The following SMG1 variants were observed in gnomAD, a reference collection of about 807,000 sequenced individuals.
SMG1 encodes the protein serine/threonine-protein kinase SMG1.
Under a neutral mutation model 419.9 loss-of-function variants are expected in SMG1, and 22 were observed. The ratio of observed to expected loss-of-function variants is 0.05; its 90% confidence interval spans 0.04 to 0.07. SMG1 has a LOEUF of 0.07. Ranked by LOEUF, SMG1 falls within the 10% of genes least tolerant of loss-of-function variation. The pLI, the probability that SMG1 is intolerant of heterozygous loss-of-function variation, is 1.00. For synonymous variants in SMG1, 1,538 were observed against 1,553.5 expected, an observed-to-expected ratio of 0.99 and a Z score of 0.23; for missense variants, 3,185 against 4,342.0, an observed-to-expected ratio of 0.73 and a Z score of 7.49.
At position 18,894,679 on chromosome 16, in the gene SMG1, TA is replaced by T. The variant is rs34559113; in HGVS notation, c.412+1372del. Among the ~76,000 whole-genome samples, 528 of 121,202 alleles carry T rather than the reference TA, an allele frequency of 4.4e-3. 3 individuals are homozygous for T. The highest frequency in any genetic ancestry group is 4.7e-3 in the Middle Eastern group (1 of 212). The allele number at this position is 121,202 out of a possible 152,430, so 79.5% of individuals were successfully genotyped here. On this transcript the variant is annotated intron_variant, in intron 3 of 62. Transcript: ENST00000446231. Reference sequence around the variant, plus strand: ...GATACACAAAGCACACACACAGTATTAAAAAAAAAAAAAAAAAAGTCAAAAA... The same window carrying T: ...GATACACAAAGCACACACACAGTATTAAAAAAAAAAAAAAAAAGTCAAAAA...
At chr16:18,912,081 CAAAA>C (rs10593620) in intron 1 of SMG1, among the ~76,000 whole-genome samples, 18 of 104,326 alleles carry the variant, frequency 1.7e-4, no homozygotes, top group African/African-American at 4.5e-4. Flanking sequence ...GATGCCATCT[CAAAA>C]AAAAAAAAAA....
intron 33 of SMG1, among the ~76,000 whole-genome samples, chr16:18,850,997 C>T (rs1004653314): frequency 1.3e-5 from 2 of 152,136 alleles, no homozygotes; most frequent in African/African-American, 4.8e-5. Context: ...TCAGGTGATC[C>T]GCCTGCCTCG....
In SMG1 at chr16:18,842,371, GGCA is replaced by G. The variant is rs1339367640; in HGVS notation, c.6300_6302del (p.Ala2101del). ...GAAGAGCAATTTCAGTGTTAGTCAT[GGCA>G]GCCAACCATGGACTGATTTCTTCAA... On this transcript the variant is annotated inframe_deletion, in exon 40 of 63. Coordinates refer to ENST00000446231, the MANE Select transcript of SMG1 (RefSeq NM_015092.5). The G allele has an allele frequency of 6.2e-7, 1 of 1,613,980 alleles. No homozygotes were observed. Among genetic ancestry groups the G allele is most frequent in the Non-Finnish European group, 8.5e-7 (1 of 1,179,876 alleles).
At position 18,839,572 on chromosome 16, in the gene SMG1, T is replaced by C. The variant is rs998526743; in HGVS notation, c.6945+126A>G. The C allele has an allele frequency of 2.5e-5, 31 of 1,240,724 alleles. No homozygotes were observed. In the African/African-American group the frequency reaches 4.2e-4, roughly 17 times the overall value. The allele number at this position is 1,240,724 out of a possible 1,614,324, so 76.9% of individuals were successfully genotyped here. A position where few individuals can be genotyped will look rare whatever the true frequency, so the allele number is the denominator to read the frequency against. On this transcript the variant is annotated intron_variant, in intron 42 of 62. Coordinates refer to ENST00000446231, the MANE Select transcript of SMG1 (RefSeq NM_015092.5). ...ATAACTGTAATATTAAACTCAAATA[T>C]ACGTCTCAAACTACCAAGTCTGGAG...
intron 10 of SMG1, 130 bp downstream of exon 10, chr16:18,882,027 AATATATAC>A (rs1596587829): frequency 2.0e-6 from 1 of 492,054 alleles, no homozygotes; most frequent in Non-Finnish European, 3.4e-6. Flanking sequence ...ACAGTCAGAC[AATATATAC>A]ATATATACAT....
At position 18,853,588 on chromosome 16, in the gene SMG1, G is replaced by A. The variant is rs758280918; in HGVS notation, c.4763C>T (p.Ser1588Phe). Residue 1588 changes from serine to phenylalanine, a missense_variant, in exon 31 of 63, where the codon TCT (serine) becomes TTT (phenylalanine). Ser to Phe is a radical substitution (Grantham distance 155). Coordinates refer to ENST00000446231, the MANE Select transcript of SMG1 (RefSeq NM_015092.5). ...AGCTAATAAAGCAACTCTACCTGTA[G>A]ATTCACTCTCGATCCGAGGATACTC... Reference protein sequence around the residue: ...EEEYPRIESESTVHIGVGEPD... With the variant: ...EEEYPRIESEFTVHIGVGEPD... 6.3e-6 allele frequency: 10 copies of A among 1,588,788 alleles called. No homozygotes were observed. The highest frequency in any genetic ancestry group is 5.1e-6 in the Non-Finnish European group (6 of 1,166,432).
chr16:18,909,214 T>C (rs2037699791), intron 1 of SMG1, among the ~76,000 whole-genome samples: 1 of 150,500 alleles, frequency 6.6e-6, no homozygotes, highest in Non-Finnish European at 1.5e-5. Context: ...TGGTGGTGCA[T>C]GCCTGTAATC....
chr16:18,892,941 G>C (rs547014780), intron 3 of SMG1, among the ~76,000 whole-genome samples: 1 of 152,278 alleles, frequency 6.6e-6, no homozygotes, highest in Non-Finnish European at 1.5e-5. Flanking sequence ...GACTGGCTGG[G>C]AGAGAAAAAA....
intron 1 of SMG1, chr16:18,900,002 C>T: frequency 6.5e-7 from 1 of 1,530,462 alleles, no homozygotes; most frequent in Non-Finnish European, 8.7e-7. Flanking sequence ...AAATCGCATA[C>T]TGTATAATAT....
In SMG1 at chr16:18,816,311, A is replaced by C. The variant is rs180927655; in HGVS notation, c.10293T>G (p.Ala3431=). ...QLGDVKHLLK[A]MAKDEEAALA... ...ATGGTATTAGTCTTACCTTAGCCATAGCTTTCAAGAGATGTTTGACATCTC... is the reference window on the plus strand; with the variant it reads ...ATGGTATTAGTCTTACCTTAGCCATCGCTTTCAAGAGATGTTTGACATCTC... Residue 3431 remains alanine, a synonymous_variant, in exon 58 of 63, where the codon GCT becomes GCG. Transcript: ENST00000446231. 18 of 1,613,356 alleles carry C rather than the reference A, an allele frequency of 1.1e-5. No individual in the cohort carries two copies. The highest frequency in any genetic ancestry group is 1.5e-5 in the Non-Finnish European group (18 of 1,179,544).
chr16:18,886,939 T>C (rs2036636428), intron 6 of SMG1, among the ~76,000 whole-genome samples: 1 of 152,206 alleles, frequency 6.6e-6, no homozygotes, highest in African/African-American at 2.4e-5. Flanking sequence ...AGAACACATA[T>C]GTAATAAAAT....
chr16:18,887,516 C>CTTTTTTTT (rs574179061), intron 6 of SMG1, among the ~76,000 whole-genome samples: 1 of 110,140 alleles, frequency 9.1e-6, no homozygotes, highest in Non-Finnish European at 1.8e-5. Context: ...TTTTTTTTTC[C>CTTTTTTTT]TTTTTTTTTT....
intron 11 of SMG1, 36 bp from the exon 12 acceptor site, chr16:18,877,268 C>A (rs12931323): frequency 7.6e-6 from 11 of 1,446,908 alleles, no homozygotes; most frequent in Admixed American, 6.2e-5. Flanking sequence ...TGAGCTTCTC[C>A]AATTACAAAA....
intron 1 of SMG1, among the ~76,000 whole-genome samples, chr16:18,921,810 T>G (rs1245946193): frequency 6.6e-6 from 1 of 152,208 alleles, no homozygotes; most frequent in East Asian, 1.9e-4. Context: ...CACAACACAT[T>G]TCCATTTCTT....
At chr16:18,876,028 C>G (rs970384483) in intron 13 of SMG1, 96 bp downstream of exon 13, 1 of 1,329,006 alleles carries the variant, frequency 7.5e-7, no homozygotes, top group African/African-American at 1.5e-5. Flanking sequence ...CACAGTGATT[C>G]TGCAGACATC....
Position 18,842,403 on chromosome 16 carries a change from G to C in SMG1, c.6271C>G (p.Arg2091Gly), listed in dbSNP as rs756619992. ...AACCATGGACTGATTTCTTCAAGACGCAAGATGTAACTTGCACGTTTCTGT... is the reference window on the plus strand; with the variant it reads ...AACCATGGACTGATTTCTTCAAGACCCAAGATGTAACTTGCACGTTTCTGT... ...RAQKRASYILRLEEISPWLAA... is the reference protein window; with the variant it reads ...RAQKRASYILGLEEISPWLAA... The change falls in exon 40 of 63, where the codon CGT becomes GGT. Residue 2091 changes from arginine (R) to glycine (G), a missense_variant. By Grantham distance (125) the Arg-to-Gly change is moderately radical. Coordinates refer to ENST00000446231, the MANE Select transcript of SMG1 (RefSeq NM_015092.5). 3 of 1,613,868 alleles carry C rather than the reference G, an allele frequency of 1.9e-6. No individual in the cohort carries two copies. The highest frequency in any genetic ancestry group is 2.5e-6 in the Non-Finnish European group (3 of 1,179,810).
At chr16:18,892,998 T>C (rs907181043) in intron 3 of SMG1, among the ~76,000 whole-genome samples, 1 of 152,210 alleles carries the variant, frequency 6.6e-6, no homozygotes, top group Non-Finnish European at 1.5e-5. Context: ...CAAACTGTTT[T>C]CAACATGCAG....
chr16:18,925,606 C>G (rs370333286), intron 1 of SMG1: 19 of 284,030 alleles, frequency 6.7e-5, no homozygotes, highest in Admixed American at 2.2e-4. Flanking sequence ...GGACTCTCAG[C>G]ATCTCCCAAC....
At position 18,869,962 on chromosome 16, in the gene SMG1, G is replaced by T; in HGVS notation, c.2525C>A (p.Ser842Tyr). The part of the protein sequence containing the change: ...NNNHTEIQEI[S>Y]LALRSHMSKA... ...ACTCATGTGACTTCTTAATGCTAAA[G>T]AAATTTCTTGAATTTCTGTGTGATT... Residue 842 changes from serine to tyrosine, a missense_variant, in exon 19 of 63, where the codon TCT becomes TAT. Transcript: ENST00000446231. The T allele has an allele frequency of 6.5e-7, 1 of 1,535,638 alleles. No homozygotes were observed.
Sources: allele counts gnomAD v4.1 joint callset (sites outside exome capture counted in the v4.1 genomes callset), GRCh38; gene constraint gnomAD v4.1.1; transcripts MANE v1.5; gene names NCBI Gene and HGNC (gene_info 2026-07-23, HGNC 2026-07-21).